Variants in FAM227A observed in about 807,000 individuals in gnomAD.
FAM227A encodes family with sequence similarity 227 member A, also known as protein FAM227A.
FAM227A carries 80 observed loss-of-function variants against 74.7 expected under a neutral mutation model. That is an observed-to-expected ratio of 1.07 (90% confidence interval 0.89 to 1.29). FAM227A has a LOEUF of 1.29. Ranked by LOEUF, FAM227A falls within the 50% of genes most tolerant of loss-of-function variation. FAM227A has a pLI of 0.00. For missense variants in FAM227A, 654 were observed against 683.4 expected, an observed-to-expected ratio of 0.96 and a Z score of 0.48; for synonymous variants, 237 against 241.8, an observed-to-expected ratio of 0.98 and a Z score of 0.19.
rs958197523 is a variant in FAM227A at position 38,607,467 on chromosome 22, C to T, written c.1048G>A (p.Ala350Thr). ...RKFYHPQSSS[A>T]NSPSEKTSSA... ...GAGGTTTTTTCACTGGGTGAATTTGCACTAGAAGACTTCAGGAGACAAGAG... is the reference window on the plus strand; with the variant it reads ...GAGGTTTTTTCACTGGGTGAATTTGTACTAGAAGACTTCAGGAGACAAGAG... Residue 350 changes from alanine (A) to threonine (T), a missense_variant, in exon 12 of 17, where the codon GCA (alanine) becomes ACA (threonine). Physicochemically the swap from Ala to Thr is moderately conservative, Grantham distance 58. Transcript: ENST00000535113. 5.8e-6 allele frequency: 9 copies of T among 1,549,594 alleles called. No homozygotes were observed. Among genetic ancestry groups the T allele is most frequent in the Non-Finnish European group, 7.9e-6 (9 of 1,145,312 alleles).
At chr22:38,646,687 C>A (rs961234282) in intron 2 of FAM227A, among the ~76,000 whole-genome samples, 1 of 151,522 alleles carries the variant, frequency 6.6e-6, no homozygotes, top group Admixed American at 6.6e-5. Flanking sequence ...GTCTCACTCG[C>A]CCGGCCACTC....
chr22:38,639,826 C>T, intron 3 of FAM227A, 102 bp from the exon 4 acceptor site: 1 of 819,460 alleles, frequency 1.2e-6, no homozygotes, highest in Non-Finnish European at 2.0e-6. Flanking sequence ...GCACAAAAGA[C>T]CTGGAGCAAA....
In FAM227A at chr22:38,626,235, G is replaced by C; in HGVS notation, c.795C>G (p.Phe265Leu). ...SFCCCFPQSW[F>L]DTHEFKSDIC... ...TGTCAGACTTGAATTCGTGCGTGTC[G>C]AACCAGGACTGTGGAAAGCAGCAAC... The change falls in exon 9 of 17, where the codon TTC (phenylalanine) becomes TTG (leucine). Residue 265 changes from phenylalanine (F) to leucine (L), a missense_variant. Physicochemically the swap from Phe to Leu is conservative, Grantham distance 22. Coordinates refer to ENST00000535113, the MANE Select transcript of FAM227A (RefSeq NM_001013647.2). 2 of 1,551,684 alleles carry C rather than the reference G, an allele frequency of 1.3e-6. No homozygotes were observed. The highest frequency in any genetic ancestry group is 1.7e-6 in the Non-Finnish European group (2 of 1,146,972).
intron 13 of FAM227A, 138 bp from the exon 14 acceptor site, chr22:38,600,059 CAAAAT>C (rs2091139192): frequency 3.9e-6 from 3 of 777,006 alleles, no homozygotes; most frequent in Non-Finnish European, 5.8e-6. Context: ...GAAAATTACT[CAAAAT>C]AAAGCAAAAA....
intron 10 of FAM227A, 41 bp from the exon 11 acceptor site, chr22:38,620,332 G>T: frequency 6.9e-7 from 1 of 1,455,280 alleles, no homozygotes; most frequent in Non-Finnish European, 9.4e-7. Flanking sequence ...CTCTTGTCAT[G>T]GGACAATGAA....
rs1350757565 is a variant in FAM227A, at chr22:38,578,322, AT to A, written c.*7802del. ...ATTATAATCTTATGGGACCACCGTC[AT>A]ATATTCAGTCAGCTGCTGACTGAAA... On this transcript the variant is annotated 3_prime_UTR_variant, in exon 17 of 17. Coordinates refer to ENST00000535113, the MANE Select transcript of FAM227A (RefSeq NM_001013647.2). The A allele has an allele frequency of 6.6e-6, 1 of 152,212 alleles. No individual in the cohort carries two copies. The highest frequency in any genetic ancestry group is 1.5e-5 in the Non-Finnish European group (1 of 68,038). The allele number at this position is 152,212 out of a possible 1,614,324, so 9.4% of individuals were successfully genotyped here.
chr22:38,645,691 C>T lies in FAM227A; in HGVS notation c.143-46G>A, dbSNP rs1486823150. ...GGAAACTCAGGGTGATGATTACACA[C>T]ACAACAGGATGGGGCTTGTCTGGTG... On this transcript the variant is annotated intron_variant, in intron 2 of 16. Coordinates refer to ENST00000535113, the MANE Select transcript of FAM227A (RefSeq NM_001013647.2). The T allele has an allele frequency of 4.0e-6, 5 of 1,257,192 alleles. No individual in the cohort carries two copies. The South Asian group carries it at 6.5e-5, about 16-fold the overall frequency. The allele number at this position is 1,257,192 out of a possible 1,614,324, so 77.9% of individuals were successfully genotyped here. A position where few individuals can be genotyped will look rare whatever the true frequency, so the allele number is the denominator to read the frequency against.
intron 15 of FAM227A, among the ~76,000 whole-genome samples, chr22:38,592,996 C>T (rs775889535): frequency 6.6e-6 from 1 of 152,216 alleles, no homozygotes; most frequent in Non-Finnish European, 1.5e-5. Flanking sequence ...CCAGACCTGC[C>T]TGTGGCCTTA....
In FAM227A at chr22:38,653,337, T is replaced by C. The variant is rs186407094; in HGVS notation, c.-95+2783A>G. 2.2e-3 allele frequency among the ~76,000 whole-genome samples: 334 copies of C among 152,074 alleles called. 2 individuals are homozygous for C. The highest frequency in any genetic ancestry group is 3.5e-3 in the Non-Finnish European group (240 of 68,006). On this transcript the variant is annotated intron_variant, in intron 1 of 16. Transcript: ENST00000535113. Reference sequence around the variant, plus strand: ...AGAATTATTTTATTATATGTTACAATGTAATAACAGTAGAAATAAAGTGCA... The same window carrying C: ...AGAATTATTTTATTATATGTTACAACGTAATAACAGTAGAAATAAAGTGCA...
chr22:38,593,177 G>A (rs1031478678), intron 15 of FAM227A, among the ~76,000 whole-genome samples: 2 of 152,244 alleles, frequency 1.3e-5, no homozygotes, highest in African/African-American at 4.8e-5. Flanking sequence ...AGAAGGTGCT[G>A]AAAATCTGTT....
chr22:38,633,449 CTG>C (rs1439940669), intron 6 of FAM227A, among the ~76,000 whole-genome samples: 2 of 152,218 alleles, frequency 1.3e-5, no homozygotes, highest in Non-Finnish European at 1.5e-5. Context: ...TCAAGGCAAA[CTG>C]TGCAGGAACA....
At chr22:38,624,444 G>C (rs2091755281) in intron 9 of FAM227A, among the ~76,000 whole-genome samples, 1 of 152,040 alleles carries the variant, frequency 6.6e-6, no homozygotes. Flanking sequence ...GCAGGCCTGA[G>C]ACTGCTATCC....
chr22:38,628,204 G>A (rs1210736504), intron 8 of FAM227A, 34 bp downstream of exon 8: 2 of 1,255,184 alleles, frequency 1.6e-6, no homozygotes, highest in African/African-American at 3.0e-5. Context: ...GAAATCTAAT[G>A]TGACTTTTTT....
chr22:38,629,059 A>AT, intron 6 of FAM227A, 124 bp from the exon 7 acceptor site: 1 of 615,640 alleles, frequency 1.6e-6, no homozygotes, highest in Non-Finnish European at 2.9e-6. Context: ...TACCCAGGTA[A>AT]TTTTACATAC....
chr22:38,597,117 CCCA>C (rs2091062774), intron 15 of FAM227A, 84 bp downstream of exon 15: 2 of 1,325,500 alleles, frequency 1.5e-6, no homozygotes, highest in African/African-American at 1.5e-5. Context: ...ACCCCCCTGC[CCCA>C]CCAACCCATT....
intron 11 of FAM227A, among the ~76,000 whole-genome samples, chr22:38,617,377 C>T (rs1024794517): frequency 4.6e-5 from 7 of 150,830 alleles, no homozygotes; most frequent in Admixed American, 2.7e-4. Flanking sequence ...CTCACAGCAA[C>T]CTCCGCCTCC....
At position 38,656,299 on chromosome 22, in the gene FAM227A, ACT is replaced by A. The variant is rs1262489900; in HGVS notation, c.-276_-275del. ...GAGTTGGGGAGAGGCCCATTTTGCT[ACT>A]CTGAGTCCAGGCGTTCTCTAGGCAA... On this transcript the variant is annotated 5_prime_UTR_variant, in exon 1 of 17. It removes the in-frame stop codon of an upstream open reading frame in the 5' UTR. Transcript: ENST00000535113. The A allele has an allele frequency of 6.6e-6, 1 of 152,100 alleles. No individual in the cohort carries two copies. The highest frequency in any genetic ancestry group is 1.5e-5 in the Non-Finnish European group (1 of 68,104). The allele number at this position is 152,100 out of a possible 1,614,324, so 9.4% of individuals were successfully genotyped here.
At chr22:38,646,298 C>T (rs1433122427) in intron 2 of FAM227A, among the ~76,000 whole-genome samples, 1 of 116,452 alleles carries the variant, frequency 8.6e-6, no homozygotes, top group Admixed American at 1.2e-4. Context: ...CTCGCTCTGT[C>T]GCCCAGGCTG....
chr22:38,607,524 G>A, intron 11 of FAM227A, 48 bp from the exon 12 acceptor site: 1 of 1,283,962 alleles, frequency 7.8e-7, no homozygotes, highest in Non-Finnish European at 1.1e-6. Context: ...GAGAGAGAGA[G>A]AACAAAATAA....
Sources: gnomAD v4.1 joint callset for allele counts (sites outside exome capture counted in the v4.1 genomes callset) on GRCh38, gnomAD v4.1.1 for gene constraint, MANE v1.5 for transcripts, NCBI Gene and HGNC (gene_info 2026-07-23, HGNC 2026-07-21) for gene names.